DGKG: variants seen among roughly 807,000 people sequenced by gnomAD.
DGKG encodes diacylglycerol kinase gamma.
A neutral mutation model predicts 105.3 loss-of-function variants in DGKG; 78 were observed. That is an observed-to-expected ratio of 0.74 (90% CI 0.62 to 0.89). DGKG has a LOEUF of 0.89. Among genes scored for constraint, DGKG ranks in the 40% least tolerant of loss-of-function variants. The pLI is 0.00. For synonymous variants in DGKG, 346 were observed against 367.1 expected, an observed-to-expected ratio of 0.94 and a Z score of 0.66; for missense variants, 958 against 1,020.1, an observed-to-expected ratio of 0.94 and a Z score of 0.83.
chr3:186,330,178 T>C (rs966113788), intron 1 of DGKG, among the ~76,000 whole-genome samples: 3 of 152,196 alleles, frequency 2.0e-5, no homozygotes, highest in African/African-American at 7.2e-5. Flanking sequence ...TAATTTACCA[T>C]AAAATATACA....
At chr3:186,280,921 C>T (rs1042870106) in intron 7 of DGKG, among the ~76,000 whole-genome samples, 177 bp from the exon 8 acceptor site, 17 of 152,176 alleles carry the variant, frequency 1.1e-4, no homozygotes, top group African/African-American at 4.1e-4. Flanking sequence ...GACCACAAAG[C>T]TCACGAGAAG....
At chr3:186,165,131 A>G in intron 22 of DGKG, 113 bp from the exon 23 acceptor site, 1 of 1,129,620 alleles carries the variant, frequency 8.9e-7, no homozygotes. Context: ...TTCATCTCCC[A>G]CCAAACACCT....
intron 5 of DGKG, among the ~76,000 whole-genome samples, chr3:186,290,026 C>T (rs889161120): frequency 2.0e-5 from 3 of 152,146 alleles, no homozygotes; most frequent in African/African-American, 7.2e-5. Context: ...CCAAAGGTCA[C>T]TGACACAATT....
chr3:186,276,553 C>T lies in DGKG; in HGVS notation c.793-889G>A, dbSNP rs574600762. The stretch of plus-strand genomic sequence containing the variant: ...ATTTCTCCTATCAACTTTCGGTACG[C>T]AGAAAAAATAGTGAAAAGACAGACA... On this transcript the variant is annotated intron_variant, in intron 9 of 24. Transcript: ENST00000265022. 1.2e-4 allele frequency among the ~76,000 whole-genome samples: 18 copies of T among 152,280 alleles called. No individual in the cohort carries two copies. In the South Asian group the frequency reaches 3.7e-3, roughly 32 times the overall value.
chr3:186,294,425 A>G (rs558317843), intron 5 of DGKG, among the ~76,000 whole-genome samples: 2 of 151,956 alleles, frequency 1.3e-5, no homozygotes, highest in Admixed American at 6.6e-5. Context: ...AATCCCAGCT[A>G]CTCAGGAGGC....
At chr3:186,201,719 G>A (rs1353844404) in intron 21 of DGKG, among the ~76,000 whole-genome samples, 2 of 152,214 alleles carry the variant, frequency 1.3e-5, no homozygotes, top group African/African-American at 4.8e-5. Flanking sequence ...GGCTGGCCAA[G>A]TGATCATTGC....
intron 20 of DGKG, among the ~76,000 whole-genome samples, chr3:186,241,294 T>C (rs548794788): frequency 5.9e-5 from 9 of 151,808 alleles, no homozygotes; most frequent in African/African-American, 1.9e-4. Context: ...AATTCTTGCT[T>C]GTAATCCCAG....
At chr3:186,171,017 G>A (rs1229449383) in intron 22 of DGKG, among the ~76,000 whole-genome samples, 2 of 152,226 alleles carry the variant, frequency 1.3e-5, no homozygotes, top group Non-Finnish European at 2.9e-5. Context: ...CAAAAACAAT[G>A]TTCAAGTTCC....
At chr3:186,259,186 A>G (rs892047257) in intron 16 of DGKG, among the ~76,000 whole-genome samples, 2 of 152,244 alleles carry the variant, frequency 1.3e-5, no homozygotes, top group African/African-American at 4.8e-5. Context: ...TGACATGCGC[A>G]TGAGAGACCC....
chr3:186,251,664 G>C, intron 19 of DGKG, 95 bp downstream of exon 19: 2 of 1,456,752 alleles, frequency 1.4e-6, no homozygotes, highest in Non-Finnish European at 1.9e-6. Context: ...AGGTAAGACA[G>C]GTAGACACTA....
In DGKG at chr3:186,231,413, T is replaced by C. The variant is rs9819923; in HGVS notation, c.1826+11091A>G. Among the ~76,000 whole-genome samples, 6,095 of 152,264 alleles carry C rather than the reference T, an allele frequency of 0.04. 395 individuals carry two copies. The highest frequency in any genetic ancestry group is 0.14 in the African/African-American group (5,754 of 41,520). On this transcript the variant is annotated intron_variant, in intron 20 of 24. Coordinates refer to ENST00000265022, the MANE Select transcript of DGKG (RefSeq NM_001346.3). The surrounding 1 kb of genome is among the most constrained non-coding windows in gnomAD (Gnocchi z 4.5). ...GGTCTTGAGCAAGTTGCATCATCTC[T>C]ATGAGCCTCACTTTTCTCATCTGTA...
chr3:186,325,818 C>T (rs1725309190), intron 1 of DGKG, among the ~76,000 whole-genome samples: 2 of 152,132 alleles, frequency 1.3e-5, no homozygotes, highest in Admixed American at 1.3e-4. Context: ...ATCTTCGACT[C>T]TCAGATTATT....
chr3:186,209,638 G>A (rs950498887), intron 21 of DGKG, among the ~76,000 whole-genome samples: 18 of 152,192 alleles, frequency 1.2e-4, no homozygotes, highest in African/African-American at 4.1e-4. Context: ...CAGCAACCAC[G>A]TTTAGAAGGT....
chr3:186,340,876 T>C (rs1726054803), intron 1 of DGKG, among the ~76,000 whole-genome samples: 1 of 152,204 alleles, frequency 6.6e-6, no homozygotes, highest in Non-Finnish European at 1.5e-5. Flanking sequence ...TTTCTCTCCA[T>C]TAAATTCCTT....
In DGKG at chr3:186,353,812, T is replaced by C. The variant is rs958793646; in HGVS notation, c.-249+8134A>G. On this transcript the variant is annotated intron_variant, in intron 1 of 24. Coordinates refer to ENST00000265022, the MANE Select transcript of DGKG (RefSeq NM_001346.3). ...TGGGTGCTCAGCACATATTTACTGATTGAATATTGGTTAAACGATGGAGCA... is the reference window on the plus strand; with the variant it reads ...TGGGTGCTCAGCACATATTTACTGACTGAATATTGGTTAAACGATGGAGCA... 6.6e-5 allele frequency among the ~76,000 whole-genome samples: 10 copies of C among 151,992 alleles called. No individual in the cohort carries two copies. The South Asian group carries it at 1.5e-3, about 22-fold the overall frequency.
Position 186,188,253 on chromosome 3 carries a change from C to T in DGKG, c.2044G>A (p.Glu682Lys). Residue 682 changes from glutamate to lysine, a missense_variant, in exon 22 of 25, where the codon GAA becomes AAA. This residue lies in a region of DGKG where 315 missense variants were observed against 400.6 expected (regional missense o/e 0.79). Coordinates refer to ENST00000265022, the MANE Select transcript of DGKG (RefSeq NM_001346.3). The stretch of plus-strand genomic sequence containing the variant: ...GGGTCAGTGACACCCTTCCTGCTTT[C>T]CCGGATCACAGCCCGGTTCTTCTTG... ...ENKKNRAVIR[E>K]SRKGVTDPKE... is the part of the protein sequence containing the mutation. 1 of 1,614,166 alleles carries T rather than the reference C, an allele frequency of 6.2e-7. No individual in the cohort carries two copies. Among genetic ancestry groups the T allele is most frequent in the Non-Finnish European group, 8.5e-7 (1 of 1,180,042 alleles).
At chr3:186,228,624 CCA>C (rs1719974659) in intron 20 of DGKG, among the ~76,000 whole-genome samples, 1 of 152,206 alleles carries the variant, frequency 6.6e-6, no homozygotes, top group Non-Finnish European at 1.5e-5. Flanking sequence ...CCGCTCATGT[CCA>C]GTGTCCTCTC....
intron 1 of DGKG, among the ~76,000 whole-genome samples, chr3:186,336,199 C>T (rs1725825300): frequency 6.6e-6 from 1 of 152,198 alleles, no homozygotes; most frequent in Non-Finnish European, 1.5e-5. Context: ...CAACTTCTCC[C>T]TTCACCAAGT....
At chr3:186,304,558 A>C (rs900789580) in intron 3 of DGKG, among the ~76,000 whole-genome samples, 1 of 152,226 alleles carries the variant, frequency 6.6e-6, no homozygotes, top group African/African-American at 2.4e-5. Context: ...CCTGCAGATC[A>C]GTCACTTTTC....
Sources: gnomAD v4.1 joint callset for allele counts (sites outside exome capture counted in the v4.1 genomes callset) on GRCh38, gnomAD v4.1.1 for gene constraint, gnomAD v4.1.1 regional missense constraint, Gnocchi (gnomAD v3.1) non-coding constraint, MANE v1.5 for transcripts, NCBI Gene and HGNC (gene_info 2026-07-23, HGNC 2026-07-21) for gene names.